The following PUS1 variants were observed in gnomAD, a reference collection of about 807,000 sequenced individuals.
The protein encoded by PUS1 is pseudouridine synthase 1, also known as pseudouridylate synthase 1 homolog.
PUS1 carries 25 observed loss-of-function variants against 38.5 expected under a neutral mutation model. The ratio of observed to expected loss-of-function variants is 0.65; its 90% CI spans 0.47 to 0.91. PUS1 has a LOEUF of 0.91. PUS1 is among the 40% of genes least tolerant of loss of function. The pLI, the probability that PUS1 is intolerant of heterozygous loss-of-function variation, is 0.00. For synonymous variants in PUS1, 282 were observed against 260.4 expected (o/e 1.08, Z -0.80); for missense variants, 597 against 612.3 (o/e 0.97, Z 0.26).
At chr12:131,942,055 C>A in intron 5 of PUS1, 72 bp downstream of exon 5, 8 of 1,361,420 alleles carry the variant, frequency 5.9e-6, no homozygotes, top group East Asian at 2.5e-5. Context: ...GAGGAGTGAG[C>A]TGAGGCACAG....
chr12:131,936,805 C>G (rs1890854847), intron 3 of PUS1, among the ~76,000 whole-genome samples: 2 of 151,614 alleles, frequency 1.3e-5, no homozygotes, highest in Admixed American at 1.3e-4. Context: ...AGGAGAATCT[C>G]TTGAATACAG....
Position 131,929,440 on chromosome 12 carries a change from C to T in PUS1, c.-283C>T, listed in dbSNP as rs1235966273. ...GCGTCAGGGGACGTTGGAGTTGATC[C>T]GTCAGGGTCCCGGGGCGGTCTGGGG... On this transcript the variant is annotated 5_prime_UTR_variant, in exon 1 of 6. Transcript: ENST00000376649. 8 of 407,654 alleles carry T rather than the reference C, an allele frequency of 2.0e-5. No homozygotes were observed. The highest frequency in any genetic ancestry group is 3.0e-5 in the Non-Finnish European group (7 of 230,170). The allele number at this position is 407,654 out of a possible 1,614,324, so 25.3% of individuals were successfully genotyped here.
intron 4 of PUS1, among the ~76,000 whole-genome samples, chr12:131,939,550 C>G (rs1461115724): frequency 6.6e-6 from 1 of 152,232 alleles, no homozygotes; most frequent in Non-Finnish European, 1.5e-5. Context: ...GTTGTTCCCT[C>G]TTACGGCAGG....
intron 5 of PUS1, among the ~76,000 whole-genome samples, chr12:131,942,513 TCTC>T (rs1406613581): frequency 1.3e-5 from 2 of 152,160 alleles, no homozygotes; most frequent in Admixed American, 6.5e-5. Context: ...TTCACGCCAT[TCTC>T]CTGCCTCAGC....
Position 131,941,845 on chromosome 12 carries a change from A to G in PUS1, c.1098A>G (p.Ala366=). ...LDWAQEEGKV[A]AFKEEHIYPT... ...GGGCGCAGGAGGAAGGAAAGGTCGC[A>G]GCCTTCAAGGAGGAGCACATCTACC... is the stretch of plus-strand genomic sequence containing the variant. Residue 366 remains alanine (A), a synonymous_variant, in exon 5 of 6, where the codon GCA becomes GCG. Coordinates refer to ENST00000376649, the MANE Select transcript of PUS1 (RefSeq NM_025215.6). The surrounding 1 kb of genome is among the most constrained non-coding windows in gnomAD (Gnocchi z 4.4). 2 of 1,614,018 alleles carry G rather than the reference A, an allele frequency of 1.2e-6. No homozygotes were observed. Among genetic ancestry groups the G allele is most frequent in the Non-Finnish European group, 1.7e-6 (2 of 1,180,020 alleles).
In PUS1 at chr12:131,944,027, G is replaced by A. The variant is rs1003240648; in HGVS notation, c.*441G>A. On this transcript the variant is annotated 3_prime_UTR_variant, in exon 6 of 6. Coordinates refer to ENST00000376649, the MANE Select transcript of PUS1 (RefSeq NM_025215.6). The stretch of plus-strand genomic sequence containing the variant: ...CTTGGGAGGCTGAGGTGGGCAGATC[G>A]CTTGAGTACAGGAGTTCCAGACCAG... 1.7e-5 allele frequency: 4 copies of A among 238,196 alleles called. No homozygotes were observed. The highest frequency in any genetic ancestry group is 5.4e-5 in the South Asian group (1 of 18,476). 14.8% of individuals were successfully genotyped at this position (238,196 alleles called of 1,614,324 possible).
rs547611282 is a variant in PUS1 at position 131,932,984 on chromosome 12, G to C, written c.441+672G>C. ...GCGGCAGGTGCGAGAGAGTGAGGAG[G>C]GTAAGGGGAAGAGCCCCTTGTAAAC... is the stretch of plus-strand genomic sequence containing the variant. On this transcript the variant is annotated intron_variant, in intron 3 of 5. Coordinates refer to ENST00000376649, the MANE Select transcript of PUS1 (RefSeq NM_025215.6). Among the ~76,000 whole-genome samples the C allele has an allele frequency of 2.9e-4, 44 of 152,174 alleles. No individual in the cohort carries two copies. The South Asian group carries it at 4.1e-3, about 14-fold the overall frequency.
At chr12:131,932,675 G>A (rs1283470659) in intron 3 of PUS1, 2 of 422,038 alleles carry the variant, frequency 4.7e-6, no homozygotes, top group South Asian at 2.0e-5. Context: ...CAAAGGCAGA[G>A]AGCCACACTT....
intron 3 of PUS1, among the ~76,000 whole-genome samples, chr12:131,933,946 AG>A (rs1890717968): frequency 6.6e-6 from 1 of 152,244 alleles, no homozygotes; most frequent in South Asian, 2.1e-4. Context: ...GGACAGGGTA[AG>A]GAGCGTGTGT....
intron 3 of PUS1, among the ~76,000 whole-genome samples, chr12:131,933,585 G>A (rs750646113): frequency 6.6e-6 from 1 of 152,208 alleles, no homozygotes; most frequent in Non-Finnish European, 1.5e-5. Context: ...TGGTTTTCAC[G>A]TCCACCCTGG....
intron 2 of PUS1, among the ~76,000 whole-genome samples, chr12:131,931,355 C>T (rs1593287820): frequency 6.6e-6 from 1 of 152,000 alleles, no homozygotes; most frequent in East Asian, 1.9e-4. Context: ...GACGGGGTTT[C>T]ACCATGTTGG....
At chr12:131,931,991 C>G (rs1593288339) in intron 2 of PUS1, 184 bp from the exon 3 acceptor site, 2 of 692,966 alleles carry the variant, frequency 2.9e-6, no homozygotes, top group Non-Finnish European at 5.3e-6. Context: ...CATGGAGCAG[C>G]CCGGCCCCAG....
In PUS1 at chr12:131,941,463, A is replaced by G. The variant is rs769448840; in HGVS notation, c.716A>G (p.Tyr239Cys). The change falls in exon 5 of 6, where the codon TAC becomes TGC. Residue 239 changes from tyrosine (Y) to cysteine (C), a missense_variant. Transcript: ENST00000376649. The surrounding 1 kb of genome is among the most constrained non-coding windows in gnomAD (Gnocchi z 4.4). ...CAGGTCAACAGGCTCCTGGCCTGCT[A>G]CAAGGGCACGCACAACTTCCACAAT... ...LQQVNRLLAC[Y>C]KGTHNFHNFT... is the part of the protein sequence containing the mutation. 6.2e-7 allele frequency: 1 copy of G among 1,613,376 alleles called. No homozygotes were observed. Among genetic ancestry groups the G allele is most frequent in the Admixed American group, 1.7e-5 (1 of 60,012 alleles).
At chr12:131,932,005 G>C (rs1890622530) in intron 2 of PUS1, 170 bp from the exon 3 acceptor site, 1 of 707,824 alleles carries the variant, frequency 1.4e-6, no homozygotes, top group Non-Finnish European at 2.6e-6. Flanking sequence ...GCCCCAGGGT[G>C]AGTGAGCAGA....
intron 4 of PUS1, among the ~76,000 whole-genome samples, chr12:131,939,998 C>A (rs570467152): frequency 2.6e-5 from 4 of 152,034 alleles, no homozygotes; most frequent in African/African-American, 9.6e-5. Flanking sequence ...GGTGTCATCC[C>A]AAGAAAACAG....
At chr12:131,933,195 A>ATT (rs34546409) in intron 3 of PUS1, among the ~76,000 whole-genome samples, 11 of 135,788 alleles carry the variant, frequency 8.1e-5, no homozygotes, top group African/African-American at 2.5e-4. Flanking sequence ...GCCTGGCTAA[A>ATT]TTTTTTTTTT....
At chr12:131,930,609 C>T (rs367995633) in intron 2 of PUS1, among the ~76,000 whole-genome samples, 1 of 152,168 alleles carries the variant, frequency 6.6e-6, no homozygotes, top group South Asian at 2.1e-4. Context: ...GGTCTGGGTA[C>T]ATTCAGGTAG....
intron 4 of PUS1, chr12:131,940,965 A>C: frequency 2.8e-6 from 1 of 362,828 alleles, no homozygotes; most frequent in Non-Finnish European, 5.1e-6. Flanking sequence ...AAATAGGGCA[A>C]TTAGCATAAT....
chr12:131,932,348 T>G, intron 3 of PUS1, 36 bp downstream of exon 3: 1 of 1,611,406 alleles, frequency 6.2e-7, no homozygotes, highest in Non-Finnish European at 8.5e-7. Context: ...CCCCCGCTGC[T>G]ATGAGCAGCA....
Sources: gnomAD v4.1 joint callset for allele counts (sites outside exome capture counted in the v4.1 genomes callset) on GRCh38, gnomAD v4.1.1 for gene constraint, Gnocchi (gnomAD v3.1) non-coding constraint, MANE v1.5 for transcripts, NCBI Gene and HGNC (gene_info 2026-07-23, HGNC 2026-07-21) for gene names.